CHKA: variants seen among roughly 807,000 people sequenced by gnomAD.
CHKA encodes the protein choline kinase alpha.
CHKA carries 34 observed loss-of-function variants against 60.1 expected under a neutral mutation model. That is an observed-to-expected ratio of 0.57 (90% CI 0.43 to 0.75). The LOEUF (loss-of-function observed/expected upper bound fraction) is 0.75. Among genes scored for constraint, CHKA ranks in the 30% least tolerant of loss-of-function variants. The probability of loss-of-function intolerance (pLI) is 0.00; values close to 1 mark genes in which losing one functional copy is unlikely to be tolerated. For missense variants in CHKA, 563 were observed against 561.3 expected (o/e 1.00, Z -0.03); for synonymous variants, 217 against 223.1 (o/e 0.97, Z 0.24).
At chr11:68,062,408 G>A (rs955926895) in intron 10 of CHKA, among the ~76,000 whole-genome samples, 2 of 152,240 alleles carry the variant, frequency 1.3e-5, no homozygotes, top group Non-Finnish European at 2.9e-5. Context: ...ACAAGGGAGG[G>A]TGCACACCAT....
chr11:68,071,279 G>A lies in CHKA; in HGVS notation c.631-422C>T, dbSNP rs1012981342. ...CTGGGACATTCTACTCTGATGTGTT[G>A]CAGGTGAGATGTGGGGTCCAGAATA... On this transcript the variant is annotated intron_variant, in intron 4 of 11. Transcript: ENST00000265689. Among the ~76,000 whole-genome samples, 112 of 152,162 alleles carry A rather than the reference G, an allele frequency of 7.4e-4. 1 individual carries two copies. Among genetic ancestry groups the A allele is most frequent in the African/African-American group, 2.6e-3 (108 of 41,426 alleles).
chr11:68,054,518 ACT>A (rs1855931672), intron 11 of CHKA, among the ~76,000 whole-genome samples: 2 of 152,166 alleles, frequency 1.3e-5, no homozygotes, highest in Admixed American at 1.3e-4. Context: ...TAAGAAGGAC[ACT>A]GAGAGGCAAG....
chr11:68,054,191 G>A (rs1855912527), intron 11 of CHKA, 144 bp from the exon 12 acceptor site: 7 of 659,762 alleles, frequency 1.1e-5, no homozygotes, highest in Admixed American at 5.3e-5. Context: ...GTGCAGCAGG[G>A]CTGCTCGGGG....
chr11:68,103,263 G>A (rs1185176790), intron 1 of CHKA, among the ~76,000 whole-genome samples: 1 of 152,078 alleles, frequency 6.6e-6, no homozygotes, highest in Non-Finnish European at 1.5e-5. Context: ...GTTGAGATGG[G>A]AGGATCACTT....
chr11:68,083,028 C>T (rs1018236570), intron 2 of CHKA, among the ~76,000 whole-genome samples: 3 of 152,320 alleles, frequency 2.0e-5, no homozygotes, highest in South Asian at 4.1e-4. Flanking sequence ...CTCTCGTGGC[C>T]GCATCGTTCC....
chr11:68,053,925 G>T lies in CHKA; in HGVS notation c.*63C>A. ...AGGAGCAGTAGTCGAAGCACAGAGG[G>T]GACCCCGCTCTGCTGCCTCCCCATG... On this transcript the variant is annotated 3_prime_UTR_variant, in exon 12 of 12. Transcript: ENST00000265689. The T allele has an allele frequency of 6.8e-7, 1 of 1,462,712 alleles. No homozygotes were observed. Among genetic ancestry groups the T allele is most frequent in the East Asian group, 2.3e-5 (1 of 43,500 alleles). 90.6% of individuals were successfully genotyped at this position (1,462,712 alleles called of 1,614,324 possible). A position where few individuals can be genotyped will look rare whatever the true frequency, so the allele number is the denominator to read the frequency against.
chr11:68,100,290 T>C (rs377349457), intron 1 of CHKA, among the ~76,000 whole-genome samples: 1 of 152,276 alleles, frequency 6.6e-6, no homozygotes, highest in East Asian at 1.9e-4. Context: ...TAAGTCATAA[T>C]TAGATATGAG....
intron 2 of CHKA, among the ~76,000 whole-genome samples, chr11:68,087,053 C>T (rs1383712153): frequency 6.6e-6 from 1 of 152,152 alleles, no homozygotes; most frequent in Non-Finnish European, 1.5e-5. Context: ...TATCTTTAAA[C>T]GTCCAATACT....
At chr11:68,057,308 G>C (rs1473403477) in intron 11 of CHKA, among the ~76,000 whole-genome samples, 1 of 152,056 alleles carries the variant, frequency 6.6e-6, no homozygotes, top group African/African-American at 2.4e-5. Context: ...TCTGTGCTTA[G>C]GTCAGTAAGC....
Position 68,121,009 on chromosome 11 carries a change from G to C in CHKA, c.169C>G (p.Leu57Val). 3.6e-6 allele frequency: 4 copies of C among 1,113,142 alleles called. No homozygotes were observed. The highest frequency in any genetic ancestry group is 4.4e-6 in the Non-Finnish European group (4 of 912,782). The allele number at this position is 1,113,142 out of a possible 1,614,324, so 69.0% of individuals were successfully genotyped here. A position where few individuals can be genotyped will look rare whatever the true frequency, so the allele number is the denominator to read the frequency against. Residue 57 changes from leucine to valine, a missense_variant, in exon 1 of 12, where the codon CTG becomes GTG. Transcript: ENST00000265689. ...AGCGGCAGCGGCGGCGGAGGGGGCAGCGCGAGCGGCGGCTGTTGGCCGCCC... is the reference window on the plus strand; with the variant it reads ...AGCGGCAGCGGCGGCGGAGGGGGCACCGCGAGCGGCGGCTGTTGGCCGCCC... The part of the protein sequence containing the change: ...QLGGQQPPLA[L>V]PPPPPLPLPL...
chr11:68,095,395 T>C (rs1305509037), intron 2 of CHKA, among the ~76,000 whole-genome samples: 1 of 62,550 alleles, frequency 1.6e-5, no homozygotes, highest in Admixed American at 2.9e-4. Context: ...AGAGCAAGAC[T>C]CCATCTCAAA....
chr11:68,117,811 C>A (rs902205677), intron 1 of CHKA, among the ~76,000 whole-genome samples: 1 of 152,188 alleles, frequency 6.6e-6, no homozygotes, highest in African/African-American at 2.4e-5. Context: ...TTAGAAGGAA[C>A]ACACAAAATG....
chr11:68,117,939 G>A (rs1204572288), intron 1 of CHKA, among the ~76,000 whole-genome samples: 1 of 152,204 alleles, frequency 6.6e-6, no homozygotes, highest in Non-Finnish European at 1.5e-5. Context: ...TGTGTGCAGA[G>A]GAGGGATTTC....
In CHKA at chr11:68,121,369, G is replaced by C; in HGVS notation, c.-192C>G. The C allele has an allele frequency of 4.9e-6, 1 of 205,882 alleles. No homozygotes were observed. Among genetic ancestry groups the C allele is most frequent in the South Asian group, 1.6e-4 (1 of 6,358 alleles). 12.8% of individuals were successfully genotyped at this position (205,882 alleles called of 1,614,324 possible). A position where few individuals can be genotyped will look rare whatever the true frequency, so the allele number is the denominator to read the frequency against. ...ACTGTGGAGCGGGGATGTGCTGCTG[G>C]CCGCTGCACTCGCTCCTCTGCCGCC... On this transcript the variant is annotated 5_prime_UTR_variant, in exon 1 of 12. Coordinates refer to ENST00000265689, the MANE Select transcript of CHKA (RefSeq NM_001277.3).
intron 10 of CHKA, 66 bp downstream of exon 10, chr11:68,064,459 C>G (rs112828457): frequency 3.2e-5 from 24 of 739,362 alleles, no homozygotes; most frequent in African/African-American, 2.8e-4. Context: ...TGCAAGTCAG[C>G]ATCTCCCAAA....
Position 68,074,698 on chromosome 11 carries a change from G to A in CHKA, c.630+19C>T, listed in dbSNP as rs139339257. 6,701 of 1,609,582 alleles carry A rather than the reference G, an allele frequency of 4.2e-3. 21 individuals carry two copies. The highest frequency in any genetic ancestry group is 5.1e-3 in the Non-Finnish European group (6,005 of 1,175,874). On this transcript the variant is annotated intron_variant, in intron 4 of 11. Transcript: ENST00000265689. ...TGTCTGTGGCATATGTCAACTAAGC[G>A]TTTATGAACAAATCTTACCGGGATG...
At chr11:68,120,517 T>C (rs1858584361) in intron 1 of CHKA, among the ~76,000 whole-genome samples, 1 of 152,264 alleles carries the variant, frequency 6.6e-6, no homozygotes, top group Admixed American at 6.5e-5. Context: ...TAAGCGTCAG[T>C]ACCACACGCA....
intron 11 of CHKA, among the ~76,000 whole-genome samples, chr11:68,061,101 T>G (rs996685134): frequency 1.4e-5 from 2 of 138,018 alleles, no homozygotes; most frequent in Non-Finnish European, 3.1e-5. Context: ...GACAGTTTTT[T>G]TTTTTTTTTT....
chr11:68,073,509 C>CA (rs1484053506), intron 4 of CHKA, among the ~76,000 whole-genome samples: 1 of 152,084 alleles, frequency 6.6e-6, no homozygotes, highest in Non-Finnish European at 1.5e-5. Context: ...AGCCAGGTGC[C>CA]AGGGAGCAAA....
Sources: allele counts gnomAD v4.1 joint callset (sites outside exome capture counted in the v4.1 genomes callset), GRCh38; gene constraint gnomAD v4.1.1; transcripts MANE v1.5; gene names NCBI Gene and HGNC (gene_info 2026-07-23, HGNC 2026-07-21).